OSTC: variants seen among roughly 807,000 people sequenced by gnomAD.
OSTC encodes oligosaccharyltransferase complex subunit OSTC.
OSTC carries 16 observed loss-of-function variants against 16.4 expected under a neutral mutation model. The observed-to-expected ratio is 0.98, with a 90% CI of 0.66 to 1.49. The LOEUF (loss-of-function observed/expected upper bound fraction) is 1.49, where lower values mean the gene tolerates loss of function less well. Among genes scored for constraint, OSTC ranks in the 40% most tolerant of loss-of-function variants. OSTC has a pLI of 0.00. For missense variants in OSTC, 139 were observed against 186.3 expected, an observed-to-expected ratio of 0.75 and a Z score of 1.48; for synonymous variants, 67 against 68.5, an observed-to-expected ratio of 0.98 and a Z score of 0.11.
At position 108,650,736 on chromosome 4, in the gene OSTC, G is replaced by A; in HGVS notation, c.81G>A (p.Met27Ile). The A allele has an allele frequency of 1.2e-6, 2 of 1,614,226 alleles. No homozygotes were observed. Among genetic ancestry groups the A allele is most frequent in the Non-Finnish European group, 1.7e-6 (2 of 1,180,042 alleles). Residue 27 changes from methionine (M) to isoleucine (I), a missense_variant, in exon 1 of 4, where the codon ATG becomes ATA. Transcript: ENST00000361564. ...TGAAGAAGCCGCCCTGGTTGCACAT[G>A]CCGTCGGCCATGACTGTGTATGCTC... Reference protein sequence around the residue: ...LKLKKPPWLHMPSAMTVYALV... With the variant: ...LKLKKPPWLHIPSAMTVYALV...
chr4:108,658,238 G>A (rs1467960190), intron 3 of OSTC, among the ~76,000 whole-genome samples: 24 of 151,936 alleles, frequency 1.6e-4, no homozygotes, highest in Admixed American at 1.6e-3. Context: ...AGCTGTCACT[G>A]TTACTTTAAA....
At chr4:108,664,550 G>T (rs137937270) in intron 3 of OSTC, among the ~76,000 whole-genome samples, 2 of 150,586 alleles carry the variant, frequency 1.3e-5, no homozygotes, top group East Asian at 3.9e-4. Flanking sequence ...TTTATGTGAG[G>T]TCTTTAAATT....
At chr4:108,657,215 T>A (rs1467922272) in intron 2 of OSTC, among the ~76,000 whole-genome samples, 1 of 152,232 alleles carries the variant, frequency 6.6e-6, no homozygotes, top group Non-Finnish European at 1.5e-5. Flanking sequence ...TTTGTCTGTT[T>A]TATTCATTGT....
At chr4:108,661,725 G>C (rs1248502928) in intron 3 of OSTC, among the ~76,000 whole-genome samples, 1 of 152,002 alleles carries the variant, frequency 6.6e-6, no homozygotes, top group Non-Finnish European at 1.5e-5. Context: ...AGCCTCCCGA[G>C]TAGCTGGGAT....
rs1383154969 is a variant in OSTC, at chr4:108,657,468, T to C, written c.252T>C (p.Ile84=). Residue 84 remains isoleucine, a synonymous_variant, in exon 3 of 4, where the codon ATT becomes ATC. Transcript: ENST00000361564. ...FLAYRVNGQY[I]MEGLASSFLF... ...TTTCCAGAGTAAATGGACAATATAT[T>C]ATGGAAGGACTTGCATCCAGCTTCC... 6.2e-7 allele frequency: 1 copy of C among 1,612,126 alleles called. No homozygotes were observed. The highest frequency in any genetic ancestry group is 1.1e-5 in the South Asian group (1 of 91,030).
chr4:108,650,703 C>T lies in OSTC; in HGVS notation c.48C>T (p.Asn16=). Residue 16 remains asparagine, a synonymous_variant, in exon 1 of 4, where the codon AAC becomes AAT. Transcript: ENST00000361564. ...RVPFLVLECP[N]LKLKKPPWLH... ...CGTTCTTAGTGCTCGAATGTCCCAA[C>T]CTGAAGCTGAAGAAGCCGCCCTGGT... The T allele has an allele frequency of 1.9e-6, 3 of 1,614,214 alleles. No homozygotes were observed. The highest frequency in any genetic ancestry group is 2.2e-5 in the South Asian group (2 of 91,090).
At chr4:108,658,638 G>A (rs1578339905) in intron 3 of OSTC, among the ~76,000 whole-genome samples, 1 of 152,102 alleles carries the variant, frequency 6.6e-6, no homozygotes, top group Admixed American at 6.5e-5. Context: ...AGTAACTACA[G>A]TAACGACAGG....
chr4:108,656,559 A>G (rs1726706484), intron 2 of OSTC, among the ~76,000 whole-genome samples: 1 of 143,440 alleles, frequency 7.0e-6, no homozygotes, highest in Admixed American at 7.3e-5. Context: ...AGAATTTGAT[A>G]AAAGCTCTGT....
chr4:108,655,073 A>G (rs1424055362), intron 1 of OSTC, among the ~76,000 whole-genome samples: 1 of 152,244 alleles, frequency 6.6e-6, no homozygotes, highest in African/African-American at 2.4e-5. Context: ...AAGTAATTCT[A>G]AAACATTGAG....
At chr4:108,651,795 A>G (rs923836646) in intron 1 of OSTC, among the ~76,000 whole-genome samples, 4 of 152,188 alleles carry the variant, frequency 2.6e-5, no homozygotes, top group African/African-American at 9.7e-5. Flanking sequence ...TGGCCATATA[A>G]TTGTTATTTT....
intron 1 of OSTC, chr4:108,651,100 C>G: frequency 3.3e-6 from 1 of 305,264 alleles, no homozygotes; most frequent in South Asian, 4.2e-5. Context: ...TTGTTGCTTG[C>G]CATACGTTGT....
Position 108,667,283 on chromosome 4 carries a change from A to G in OSTC, c.*18A>G. 1 of 1,604,946 alleles carries G rather than the reference A, an allele frequency of 6.2e-7. No individual in the cohort carries two copies. Among genetic ancestry groups the G allele is most frequent in the Non-Finnish European group, 8.5e-7 (1 of 1,173,722 alleles). On this transcript the variant is annotated 3_prime_UTR_variant, in exon 4 of 4. Transcript: ENST00000361564. ...TGGGTTAGAGTGCCTTTGAGAAGAA[A>G]TCAGTGGATACTGGATTTGCTCCTG...
intron 1 of OSTC, among the ~76,000 whole-genome samples, chr4:108,654,013 G>C (rs1406828683): frequency 6.6e-6 from 1 of 152,162 alleles, no homozygotes; most frequent in African/African-American, 2.4e-5. Flanking sequence ...TTTTATAAAA[G>C]AAGAGGCCCA....
intron 3 of OSTC, among the ~76,000 whole-genome samples, chr4:108,663,059 T>G (rs1396874223): frequency 6.6e-6 from 1 of 152,166 alleles, no homozygotes; most frequent in African/African-American, 2.4e-5. Flanking sequence ...GGAGTTACAG[T>G]TGTCAACATT....
At chr4:108,651,478 C>G (rs917959229) in intron 1 of OSTC, 1 of 152,272 alleles carries the variant, frequency 6.6e-6, no homozygotes, top group Non-Finnish European at 1.5e-5. Flanking sequence ...TACTATTAAA[C>G]GCTTCTGAAT....
chr4:108,659,595 C>T (rs1456812353), intron 3 of OSTC, among the ~76,000 whole-genome samples: 1 of 151,956 alleles, frequency 6.6e-6, no homozygotes, highest in Non-Finnish European at 1.5e-5. Context: ...GGTGAAACCC[C>T]ATCTCTTACT....
In OSTC at chr4:108,650,620, G is replaced by T; in HGVS notation, c.-36G>T. On this transcript the variant is annotated 5_prime_UTR_variant, in exon 1 of 4. Coordinates refer to ENST00000361564, the MANE Select transcript of OSTC (RefSeq NM_021227.4). ...GGGCCTGTTTCCGGGAGGCGCGTGGGGCTTGAGGCCGAGAACGGCCCTTGC... is the reference window on the plus strand; with the variant it reads ...GGGCCTGTTTCCGGGAGGCGCGTGGTGCTTGAGGCCGAGAACGGCCCTTGC... 6.2e-7 allele frequency: 1 copy of T among 1,610,332 alleles called. No individual in the cohort carries two copies. Among genetic ancestry groups the T allele is most frequent in the Non-Finnish European group, 8.5e-7 (1 of 1,177,378 alleles).
intron 3 of OSTC, among the ~76,000 whole-genome samples, chr4:108,659,598 C>G (rs1238168920): frequency 2.0e-5 from 3 of 152,042 alleles, no homozygotes; most frequent in African/African-American, 2.4e-5. Context: ...GAAACCCCAT[C>G]TCTTACTAAA....
chr4:108,663,411 C>T (rs986288464), intron 3 of OSTC: 6 of 324,306 alleles, frequency 1.9e-5, no homozygotes, highest in Non-Finnish European at 3.0e-5. Flanking sequence ...TGGGGTTTCA[C>T]CGTGTTAGCC....
Sources: allele counts gnomAD v4.1 joint callset (sites outside exome capture counted in the v4.1 genomes callset), GRCh38; gene constraint gnomAD v4.1.1; transcripts MANE v1.5; gene names NCBI Gene and HGNC (gene_info 2026-07-23, HGNC 2026-07-21).